Variants in ZNF429 observed in about 807,000 individuals in gnomAD.
ZNF429 encodes zinc finger protein 429.
In ZNF429, 53 loss-of-function variants were observed where a neutral mutation model predicts 56.8. The observed-to-expected ratio is 0.93, with a 90% CI of 0.75 to 1.17. The LOEUF is 1.17. Among genes scored for constraint, ZNF429 ranks in the 50% most tolerant of loss-of-function variants. ZNF429 has a pLI of 0.00. For synonymous variants in ZNF429, 278 were observed against 264.7 expected, an observed-to-expected ratio of 1.05 and a Z score of -0.49; for missense variants, 849 against 788.4, an observed-to-expected ratio of 1.08 and a Z score of -0.92.
chr19:21,532,504 A>G, intron 3 of ZNF429, among the ~76,000 whole-genome samples: 1 of 152,192 alleles, frequency 6.6e-6, no homozygotes, highest in Non-Finnish European at 1.5e-5. Context: ...GTAGTTTAAC[A>G]AAGAGTTTTT....
rs745886568 is a variant in ZNF429, at chr19:21,536,532, C to G, written c.479C>G (p.Ala160Gly). Residue 160 changes from alanine (A) to glycine (G), a missense_variant, in exon 4 of 4, where the codon GCA (alanine) becomes GGA (glycine). Physicochemically the swap from Ala to Gly is moderately conservative, Grantham distance 60. Coordinates refer to ENST00000358491, the MANE Select transcript of ZNF429 (RefSeq NM_001001415.4). Reference sequence around the variant, plus strand: ...AAAGTCTTTTATGCATTTTCAAATGCAGATAGATACAAGACAAGACATACT... The same window carrying G: ...AAAGTCTTTTATGCATTTTCAAATGGAGATAGATACAAGACAAGACATACT... Reference protein sequence around the residue: ...YVKVFYAFSNADRYKTRHTGK... With the variant: ...YVKVFYAFSNGDRYKTRHTGK... 6.2e-7 allele frequency: 1 copy of G among 1,612,536 alleles called. No homozygotes were observed. Among genetic ancestry groups the G allele is most frequent in the Non-Finnish European group, 8.5e-7 (1 of 1,179,458 alleles).
chr19:21,527,980 C>G (rs923431693), intron 1 of ZNF429, among the ~76,000 whole-genome samples: 1 of 152,012 alleles, frequency 6.6e-6, no homozygotes, highest in Non-Finnish European at 1.5e-5. Flanking sequence ...ATTTTTCCTC[C>G]CTAATGAGTT....
rs375088700 is a variant in ZNF429 at position 21,515,344 on chromosome 19, AG to A, written c.3+9571del. Among the ~76,000 whole-genome samples, 31 of 151,878 alleles carry A rather than the reference AG, an allele frequency of 2.0e-4. No individual in the cohort carries two copies. The East Asian group carries it at 4.5e-3, about 22-fold the overall frequency. On this transcript the variant is annotated intron_variant, in intron 1 of 3. Transcript: ENST00000358491. ...TGCATTTCTCTACTGATTAGTGATA[AG>A]AAAGAAATACTCATCAAATGCTTGT...
intron 1 of ZNF429, among the ~76,000 whole-genome samples, chr19:21,522,661 C>G (rs1391033313): frequency 6.6e-6 from 1 of 152,114 alleles, no homozygotes. Context: ...CTTTGGGAGG[C>G]CAAGATGGGC....
chr19:21,520,634 T>C (rs2032233102), intron 1 of ZNF429, among the ~76,000 whole-genome samples: 1 of 152,116 alleles, frequency 6.6e-6, no homozygotes, highest in Non-Finnish European at 1.5e-5. Context: ...TTAAAGCTCA[T>C]TTTAAGAGTA....
At chr19:21,528,412 A>G (rs2033246464) in intron 1 of ZNF429, among the ~76,000 whole-genome samples, 1 of 152,170 alleles carries the variant, frequency 6.6e-6, no homozygotes, top group Non-Finnish European at 1.5e-5. Flanking sequence ...ACTAAAAATT[A>G]TAGAACACTT....
intron 1 of ZNF429, among the ~76,000 whole-genome samples, chr19:21,510,010 G>A (rs541056521): frequency 2.6e-5 from 4 of 151,894 alleles, no homozygotes; most frequent in Non-Finnish European, 5.9e-5. Flanking sequence ...CCGGGTTCAA[G>A]CAATTCTCAT....
In ZNF429 at chr19:21,537,978, T is replaced by A. The variant is rs771643972; in HGVS notation, c.1925T>A (p.Ile642Asn). The A allele has an allele frequency of 1.2e-5, 19 of 1,613,656 alleles. No homozygotes were observed. Among genetic ancestry groups the A allele is most frequent in the Non-Finnish European group, 1.5e-5 (18 of 1,179,962 alleles). The stretch of plus-strand genomic sequence containing the variant: ...TCAAGACTTACTCAACATAAGAAAA[T>A]TCATAGGATGGGTGTGGTGGCTCAT... ...RSSRLTQHKK[I>N]HRMGVVAHAC... Residue 642 changes from isoleucine (I) to asparagine (N), a missense_variant, in exon 4 of 4, where the codon ATT (isoleucine) becomes AAT (asparagine). Physicochemically the swap from Ile to Asn is moderately radical, Grantham distance 149 (BLOSUM62 -3). Coordinates refer to ENST00000358491, the MANE Select transcript of ZNF429 (RefSeq NM_001001415.4).
Position 21,538,971 on chromosome 19 carries a change from A to G in ZNF429, c.*893A>G, listed in dbSNP as rs2033826760. ...GTTGTACACATTTTATACTAGAGGA[A>G]AACCCTGAAGCAGTTGCACCAACTT... On this transcript the variant is annotated 3_prime_UTR_variant, in exon 4 of 4. Coordinates refer to ENST00000358491, the MANE Select transcript of ZNF429 (RefSeq NM_001001415.4). 6.6e-6 allele frequency among the ~76,000 whole-genome samples: 1 copy of G among 152,194 alleles called. No homozygotes were observed. Among genetic ancestry groups the G allele is most frequent in the Non-Finnish European group, 1.5e-5 (1 of 68,026 alleles).
At chr19:21,509,306 T>A (rs1480297071) in intron 1 of ZNF429, among the ~76,000 whole-genome samples, 1 of 152,212 alleles carries the variant, frequency 6.6e-6, no homozygotes, top group Admixed American at 6.5e-5. Context: ...GCCTACTACA[T>A]GATTTTTTAA....
At chr19:21,523,087 A>G (rs1461034504) in intron 1 of ZNF429, among the ~76,000 whole-genome samples, 1 of 152,180 alleles carries the variant, frequency 6.6e-6, no homozygotes, top group Non-Finnish European at 1.5e-5. Flanking sequence ...GAGACCATGG[A>G]GCCAAGAAAC....
Position 21,511,725 on chromosome 19 carries a change from C to T in ZNF429, c.3+5951C>T, listed in dbSNP as rs897492843. 7.9e-5 allele frequency among the ~76,000 whole-genome samples: 12 copies of T among 151,916 alleles called. No homozygotes were observed. The South Asian group carries it at 1.5e-3, about 18-fold the overall frequency. On this transcript the variant is annotated intron_variant, in intron 1 of 3. Transcript: ENST00000358491. Reference sequence around the variant, plus strand: ...CGGCACTTTGGGAGGCCAAGGCAGGCGGCTGGAAGGTGGAGGTTGTAGCGA... The same window carrying T: ...CGGCACTTTGGGAGGCCAAGGCAGGTGGCTGGAAGGTGGAGGTTGTAGCGA...
At chr19:21,533,464 A>G in intron 3 of ZNF429, among the ~76,000 whole-genome samples, 9 of 151,216 alleles carry the variant, frequency 6.0e-5, no homozygotes, top group Non-Finnish European at 1.0e-4. Context: ...AAATTTTTCT[A>G]TTTTCTTTCT....
In ZNF429 at chr19:21,537,349, A is replaced by G; in HGVS notation, c.1296A>G (p.Lys432=). The G allele has an allele frequency of 6.2e-7, 1 of 1,614,012 alleles. No individual in the cohort carries two copies. Among genetic ancestry groups the G allele is most frequent in the East Asian group, 2.2e-5 (1 of 44,848 alleles). The change falls in exon 4 of 4, where the codon AAA becomes AAG. Residue 432 remains lysine (K), a synonymous_variant. Coordinates refer to ENST00000358491, the MANE Select transcript of ZNF429 (RefSeq NM_001001415.4). ...CCTACAATTGTGAAGAATGTGGCAA[A>G]GTTTTTACCTATTCCTCTACACTTA... The part of the protein sequence containing the change: ...EKPYNCEECG[K]VFTYSSTLTR...
At chr19:21,516,289 G>A (rs1342122787) in intron 1 of ZNF429, among the ~76,000 whole-genome samples, 4 of 151,796 alleles carry the variant, frequency 2.6e-5, no homozygotes, top group East Asian at 1.9e-4. Context: ...GGGTTTCACC[G>A]TGTTAGCCAG....
In ZNF429 at chr19:21,539,340, A is replaced by T. The variant is rs2033839851; in HGVS notation, c.*1262A>T. ...TTACACTAAAGTGCTGAGTATAGAA[A>T]ATAAAACTAAAGTTGTTAAATTATT... On this transcript the variant is annotated 3_prime_UTR_variant, in exon 4 of 4. Coordinates refer to ENST00000358491, the MANE Select transcript of ZNF429 (RefSeq NM_001001415.4). 1.3e-5 allele frequency among the ~76,000 whole-genome samples: 2 copies of T among 152,148 alleles called. No homozygotes were observed. The highest frequency in any genetic ancestry group is 4.1e-4 in the South Asian group (2 of 4,832).
At chr19:21,518,809 C>A (rs1182261036) in intron 1 of ZNF429, 1 of 132,032 alleles carries the variant, frequency 7.6e-6, no homozygotes, top group Non-Finnish European at 1.7e-5. Context: ...CTGCCCACCT[C>A]AGCCTTCCAA....
intron 3 of ZNF429, 136 bp from the exon 4 acceptor site, chr19:21,536,144 A>T: frequency 1.1e-6 from 1 of 891,218 alleles, no homozygotes; most frequent in Non-Finnish European, 1.6e-6. Flanking sequence ...TTATATGTTT[A>T]TGAAGAAATT....
intron 1 of ZNF429, among the ~76,000 whole-genome samples, chr19:21,522,414 G>C (rs1440135745): frequency 6.6e-6 from 1 of 152,084 alleles, no homozygotes; most frequent in African/African-American, 2.4e-5. Context: ...TCACATTCTG[G>C]TTTACTTGCA....
Sources: allele counts gnomAD v4.1 joint callset (sites outside exome capture counted in the v4.1 genomes callset), GRCh38; gene constraint gnomAD v4.1.1; transcripts MANE v1.5; gene names NCBI Gene and HGNC (gene_info 2026-07-23, HGNC 2026-07-21).